NIM1K: variants seen among roughly 807,000 people sequenced by gnomAD.
NIM1K encodes serine/threonine-protein kinase NIM1.
A neutral mutation model predicts 37.1 loss-of-function variants in NIM1K; 35 were observed. The ratio of observed to expected loss-of-function variants is 0.94; its 90% CI spans 0.72 to 1.25. The LOEUF is 1.25. Among genes scored for constraint, NIM1K ranks in the 50% most tolerant of loss-of-function variants. The probability of loss-of-function intolerance (pLI) is 0.00; values close to 1 mark genes in which losing one functional copy is unlikely to be tolerated. For synonymous variants in NIM1K, 234 were observed against 206.6 expected (o/e 1.13, Z -1.14); for missense variants, 564 against 548.0 (o/e 1.03, Z -0.29).
chr5:43,233,294 T>A, intron 1 of NIM1K: 1 of 450,906 alleles, frequency 2.2e-6, no homozygotes, highest in Non-Finnish European at 3.8e-6. Flanking sequence ...TTCCTTCTTC[T>A]AAGGCAAGAG....
In NIM1K at chr5:43,208,841, T is replaced by C. The variant is rs782993; in HGVS notation, c.-695+16430T>C. 2.2e-3 allele frequency among the ~76,000 whole-genome samples: 334 copies of C among 152,330 alleles called. 3 individuals are homozygous for C. The highest frequency in any genetic ancestry group is 7.7e-3 in the African/African-American group (322 of 41,576). On this transcript the variant is annotated intron_variant, in intron 1 of 3. Coordinates refer to ENST00000326035, the MANE Select transcript of NIM1K (RefSeq NM_153361.4). ...GATGGTTGGAATCCTGGGTAAACAC[T>C]GACCTTTTAGTATTCTAGAGGTGAG...
chr5:43,270,459 G>T (rs1396940471), intron 2 of NIM1K, among the ~76,000 whole-genome samples: 1 of 152,132 alleles, frequency 6.6e-6, no homozygotes, highest in Admixed American at 6.6e-5. Flanking sequence ...TGGTGGGAAG[G>T]ACTTGAGGAA....
intron 1 of NIM1K, among the ~76,000 whole-genome samples, chr5:43,194,496 A>T (rs897624730): frequency 2.6e-5 from 4 of 152,210 alleles, no homozygotes; most frequent in Non-Finnish European, 4.4e-5. Context: ...TAAAATAAAG[A>T]CAGGTTTATA....
At chr5:43,246,577 G>A (rs1752782835) in intron 2 of NIM1K, among the ~76,000 whole-genome samples, 1 of 151,940 alleles carries the variant, frequency 6.6e-6, no homozygotes. Context: ...TCTCTGGATA[G>A]CAGTGTCCAG....
chr5:43,277,034 AT>A (rs748853117), intron 2 of NIM1K, 22 bp from the exon 3 acceptor site: 1 of 1,611,318 alleles, frequency 6.2e-7, no homozygotes, highest in South Asian at 1.1e-5. Context: ...TTCTGGCACA[AT>A]TTTTACTTTT....
chr5:43,214,806 T>A (rs1579960102), intron 1 of NIM1K, among the ~76,000 whole-genome samples: 1 of 89,422 alleles, frequency 1.1e-5, no homozygotes. Flanking sequence ...AGAGCAAGAC[T>A]CCGTCTCAAA....
intron 1 of NIM1K, among the ~76,000 whole-genome samples, chr5:43,198,145 T>TTCTC (rs1182876936): frequency 2.2e-5 from 1 of 45,508 alleles, no homozygotes; most frequent in Admixed American, 2.2e-4. Context: ...CTTTCTTTCT[T>TTCTC]TCTTTCTTTC....
At chr5:43,263,445 C>T (rs1449646404) in intron 2 of NIM1K, among the ~76,000 whole-genome samples, 6 of 151,862 alleles carry the variant, frequency 4.0e-5, no homozygotes, top group Non-Finnish European at 7.4e-5. Flanking sequence ...TCTGTGGGAT[C>T]GGTGGTGATA....
At chr5:43,235,585 T>C (rs779329331) in intron 1 of NIM1K, among the ~76,000 whole-genome samples, 2 of 152,204 alleles carry the variant, frequency 1.3e-5, no homozygotes, top group African/African-American at 2.4e-5. Flanking sequence ...GGACCTAAAT[T>C]CTTACAGATA....
chr5:43,231,742 C>T lies in NIM1K; in HGVS notation c.-694-13340C>T, dbSNP rs1752542648. 29 of 967,712 alleles carry T rather than the reference C, an allele frequency of 3.0e-5. 1 individual carries two copies. In the South Asian group the frequency reaches 3.7e-4, roughly 12 times the overall value. The allele number at this position is 967,712 out of a possible 1,614,324, so 59.9% of individuals were successfully genotyped here. The stretch of plus-strand genomic sequence containing the variant: ...GCTACATAAAAATTAACTGATCAGA[C>T]CACAACTTTTCAATGTTTAAAACAG... On this transcript the variant is annotated intron_variant, in intron 1 of 3. Transcript: ENST00000326035.
chr5:43,198,210 TTTCTTTCTTTCTTTCTTTC>T lies in NIM1K; in HGVS notation c.-695+5802_-695+5820del, dbSNP rs1751958576. Among the ~76,000 whole-genome samples, 213 of 82,332 alleles carry T rather than the reference TTTCTTTCTTTCTTTCTTTC, an allele frequency of 2.6e-3. 2 individuals carry two copies. Among genetic ancestry groups the T allele is most frequent in the South Asian group, 6.4e-3 (14 of 2,188 alleles). The allele number at this position is 82,332 out of a possible 152,430, so 54.0% of individuals were successfully genotyped here. A position where few individuals can be genotyped will look rare whatever the true frequency, so the allele number is the denominator to read the frequency against. ...TTCTTTCTTTCTTTCTTTCTTTCTCTTTCTTTCTTTCTTTCTTTCTTTCTTTCTTTCTTTCTTTTCTTTC... is the reference window on the plus strand; with the variant it reads ...TTCTTTCTTTCTTTCTTTCTTTCTCTTTTCTTTCTTTCTTTCTTTTCTTTC... On this transcript the variant is annotated intron_variant, in intron 1 of 3. Coordinates refer to ENST00000326035, the MANE Select transcript of NIM1K (RefSeq NM_153361.4).
intron 2 of NIM1K, among the ~76,000 whole-genome samples, chr5:43,253,577 A>T (rs1752900037): frequency 6.6e-6 from 1 of 152,120 alleles, no homozygotes; most frequent in Non-Finnish European, 1.5e-5. Context: ...GTCATGGGAA[A>T]GAGATAAGGT....
At chr5:43,244,726 G>T (rs928290650) in intron 1 of NIM1K, among the ~76,000 whole-genome samples, 37 of 152,258 alleles carry the variant, frequency 2.4e-4, no homozygotes, top group African/African-American at 8.7e-4. Context: ...GAGAAATTTT[G>T]AAAACCATTA....
chr5:43,225,260 CAAAAAAAAAA>C (rs10555794), intron 1 of NIM1K, among the ~76,000 whole-genome samples: 2 of 72,674 alleles, frequency 2.8e-5, no homozygotes, highest in Non-Finnish European at 2.5e-5. Context: ...ACCCTCTTTC[CAAAAAAAAAA>C]AAAAAAAAAA....
intron 2 of NIM1K, among the ~76,000 whole-genome samples, chr5:43,261,300 A>G (rs1554016463): frequency 1.3e-5 from 2 of 151,906 alleles, no homozygotes; most frequent in Non-Finnish European, 2.9e-5. Context: ...AATGATTGCC[A>G]TAACTAGTAT....
chr5:43,215,020 G>C (rs1030920582), intron 1 of NIM1K, among the ~76,000 whole-genome samples: 4 of 152,132 alleles, frequency 2.6e-5, no homozygotes, highest in African/African-American at 9.7e-5. Context: ...TGTTCAGGCT[G>C]TGATCTTTTT....
Position 43,262,294 on chromosome 5 carries a change from C to G in NIM1K, c.293-14763C>G, listed in dbSNP as rs540639269. On this transcript the variant is annotated intron_variant, in intron 2 of 3. Transcript: ENST00000326035. ...TCCTCTTTTATTTCATTGAGCAGTGCTTTGTAGTTCTCCTTGAAGAGGTCC... is the reference window on the plus strand; with the variant it reads ...TCCTCTTTTATTTCATTGAGCAGTGGTTTGTAGTTCTCCTTGAAGAGGTCC... Among the ~76,000 whole-genome samples the G allele has an allele frequency of 6.9e-3, 1,044 of 152,090 alleles. 49 individuals carry two copies. The highest frequency in any genetic ancestry group is 0.061 in the Admixed American group (928 of 15,264).
At position 43,277,164 on chromosome 5, in the gene NIM1K, A is replaced by C. The variant is rs1753354706; in HGVS notation, c.400A>C (p.Ile134Leu). 1 of 1,613,956 alleles carries C rather than the reference A, an allele frequency of 6.2e-7. No homozygotes were observed. The highest frequency in any genetic ancestry group is 1.7e-5 in the Admixed American group (1 of 60,004). The part of the protein sequence containing the change: ...SMEKLHHPNI[I>L]RLYEVVETLS... ...GGAAAAGCTGCACCATCCCAACATC[A>C]TCCGCCTTTACGAAGTGGTGGAGAC... Residue 134 changes from isoleucine to leucine, a missense_variant, in exon 3 of 4, where the codon ATC becomes CTC. Physicochemically the swap from Ile to Leu is conservative, Grantham distance 5 (BLOSUM62 2). Coordinates refer to ENST00000326035, the MANE Select transcript of NIM1K (RefSeq NM_153361.4).
intron 2 of NIM1K, among the ~76,000 whole-genome samples, chr5:43,263,573 T>C (rs1753071185): frequency 6.6e-6 from 1 of 152,124 alleles, no homozygotes; most frequent in Non-Finnish European, 1.5e-5. Context: ...GCTCTTGGAT[T>C]CATTGATTTT....
Sources: gnomAD v4.1 joint callset for allele counts (sites outside exome capture counted in the v4.1 genomes callset) on GRCh38, gnomAD v4.1.1 for gene constraint, MANE v1.5 for transcripts, NCBI Gene and HGNC (gene_info 2026-07-23, HGNC 2026-07-21) for gene names.